PTPRK: variants seen among roughly 807,000 people sequenced by gnomAD.
The protein encoded by PTPRK is protein tyrosine phosphatase receptor type K, also known as receptor-type tyrosine-protein phosphatase kappa.
PTPRK carries 75 observed loss-of-function variants against 178.0 expected under a neutral mutation model. The observed-to-expected ratio is 0.42, with a 90% CI of 0.35 to 0.51. The LOEUF is 0.51. Ranked by LOEUF, PTPRK falls within the 20% of genes least tolerant of loss-of-function variation. The pLI is 0.02. For missense variants in PTPRK, 1,441 were observed against 1,797.8 expected (o/e 0.80, Z 3.59); for synonymous variants, 637 against 620.6 (o/e 1.03, Z -0.39).
chr6:128,238,185 CAAAAA>C (rs58051125), intron 5 of PTPRK: 219 of 205,818 alleles, frequency 1.1e-3, no homozygotes, highest in Admixed American at 1.8e-3. Flanking sequence ...TAGCAAACGC[CAAAAA>C]AAAAAAAAAA....
intron 24 of PTPRK, among the ~76,000 whole-genome samples, chr6:127,982,088 T>C (rs1448761313): frequency 6.6e-6 from 1 of 152,184 alleles, no homozygotes; most frequent in East Asian, 1.9e-4. Flanking sequence ...TCTGCCTGCC[T>C]TGGCATCCCA....
At chr6:128,368,933 A>G (rs1835884024) in intron 2 of PTPRK, among the ~76,000 whole-genome samples, 1 of 149,524 alleles carries the variant, frequency 6.7e-6, no homozygotes, top group South Asian at 2.1e-4. Flanking sequence ...AACAAAACAA[A>G]ACAAAAAACA....
In PTPRK at chr6:128,089,935, G is replaced by C; in HGVS notation, c.1220C>G (p.Ala407Gly). 1.2e-6 allele frequency: 2 copies of C among 1,612,380 alleles called. No homozygotes were observed. Among genetic ancestry groups the C allele is most frequent in the Non-Finnish European group, 1.7e-6 (2 of 1,178,396 alleles). ...KIAEIQARRI[A>G]VDWESLGYNI... ...GTAACCCAAGGATTCCCAGTCCACA[G>C]CAATCCGTCTTGCCTGTATTTCAGC... The change falls in exon 8 of 30, where the codon GCT becomes GGT. Residue 407 changes from alanine (A) to glycine (G), a missense_variant. Ala to Gly is a moderately conservative substitution (Grantham distance 60). Transcript: ENST00000368226.
chr6:128,178,656 CATCTATCTATCTATCTATCT>C (rs71028114), intron 7 of PTPRK, among the ~76,000 whole-genome samples: 5 of 145,996 alleles, frequency 3.4e-5, no homozygotes, highest in African/African-American at 1.3e-4. Context: ...GTAGAGAAGA[CATCTATCTATCTATCTATCT>C]ATCTATCTAT....
At chr6:128,436,284 A>G (rs892321080) in intron 1 of PTPRK, among the ~76,000 whole-genome samples, 1 of 152,210 alleles carries the variant, frequency 6.6e-6, no homozygotes, top group Non-Finnish European at 1.5e-5. Context: ...AATTAAAACT[A>G]TACTAACAAG....
intron 1 of PTPRK, among the ~76,000 whole-genome samples, chr6:128,455,908 T>C (rs1848328163): frequency 6.6e-6 from 1 of 152,064 alleles, no homozygotes; most frequent in African/African-American, 2.4e-5. Flanking sequence ...ACACCTAATT[T>C]AGGAACACCT....
chr6:128,484,342 AT>A (rs1852517627), intron 1 of PTPRK, among the ~76,000 whole-genome samples: 1 of 152,178 alleles, frequency 6.6e-6, no homozygotes, highest in South Asian at 2.1e-4. Context: ...GCTTAGCAAG[AT>A]TTTAAACCCC....
intron 6 of PTPRK, among the ~76,000 whole-genome samples, chr6:128,199,642 C>T (rs1441963213): frequency 1.3e-5 from 2 of 151,770 alleles, no homozygotes; most frequent in Admixed American, 1.3e-4. Context: ...AACTCTTAAC[C>T]AGAAAATCCA....
At chr6:128,299,177 A>C (rs1189729555) in intron 3 of PTPRK, among the ~76,000 whole-genome samples, 7 of 152,270 alleles carry the variant, frequency 4.6e-5, no homozygotes, top group Admixed American at 1.3e-4. Context: ...CGTGAAGGAT[A>C]TCTTCAAGGA....
chr6:128,279,521 G>C (rs943713245), intron 3 of PTPRK, among the ~76,000 whole-genome samples: 2 of 152,094 alleles, frequency 1.3e-5, no homozygotes, highest in Admixed American at 6.5e-5. Flanking sequence ...TACTTCAACA[G>C]GGATCAATGA....
chr6:128,393,089 C>CTTTT (rs755172831), intron 2 of PTPRK, among the ~76,000 whole-genome samples: 1 of 124,896 alleles, frequency 8.0e-6, no homozygotes, highest in South Asian at 2.6e-4. Context: ...TTCATAAGGA[C>CTTTT]TTTTTTTTTT....
At position 128,205,777 on chromosome 6, in the gene PTPRK, C is replaced by CAAAAAA. The variant is rs57003128; in HGVS notation, c.868+13139_868+13144dup. On this transcript the variant is annotated intron_variant, in intron 6 of 29. Transcript: ENST00000368226. ...CACAGTGAGAATCTGCATCACAGAC[C>CAAAAAA]AAAAAAAAAAAAAAAAAAAAAAAAA... is the stretch of plus-strand genomic sequence containing the variant. Among the ~76,000 whole-genome samples, 58 of 15,188 alleles carry CAAAAAA rather than the reference C, an allele frequency of 3.8e-3. 2 individuals are homozygous for CAAAAAA. Among genetic ancestry groups the CAAAAAA allele is most frequent in the East Asian group, 0.029 (16 of 550 alleles). 10.0% of individuals were successfully genotyped at this position (15,188 alleles called of 152,430 possible).
intron 7 of PTPRK, among the ~76,000 whole-genome samples, chr6:128,101,906 T>C (rs1449474620): frequency 6.6e-6 from 1 of 152,214 alleles, no homozygotes; most frequent in Non-Finnish European, 1.5e-5. Context: ...TGGAATATAC[T>C]ATTCTTTCAG....
chr6:128,267,059 G>A lies in PTPRK; in HGVS notation c.496-24457C>T, dbSNP rs549513993. 1.0e-3 allele frequency among the ~76,000 whole-genome samples: 152 copies of A among 151,936 alleles called. 1 individual carries two copies. The highest frequency in any genetic ancestry group is 2.0e-3 in the Non-Finnish European group (137 of 67,950). On this transcript the variant is annotated intron_variant, in intron 3 of 29. Coordinates refer to ENST00000368226, the MANE Select transcript of PTPRK (RefSeq NM_002844.4). ...CACATAGCTAATTCAATGCTAATTC[G>A]ATATTTAAGTTTTTCACAAATAAGC...
At chr6:128,338,397 C>A (rs1332277633) in intron 2 of PTPRK, among the ~76,000 whole-genome samples, 1 of 152,030 alleles carries the variant, frequency 6.6e-6, no homozygotes, top group Admixed American at 6.6e-5. Context: ...TTACTACACC[C>A]AAATATATAG....
chr6:128,458,355 A>G (rs1848637046), intron 1 of PTPRK, among the ~76,000 whole-genome samples: 1 of 152,222 alleles, frequency 6.6e-6, no homozygotes, highest in African/African-American at 2.4e-5. Context: ...TTATTATAAA[A>G]TAAGTTAATA....
At chr6:128,020,489 T>C (rs1773345787) in intron 13 of PTPRK, among the ~76,000 whole-genome samples, 1 of 152,178 alleles carries the variant, frequency 6.6e-6, no homozygotes, top group Non-Finnish European at 1.5e-5. Flanking sequence ...GAAAAGTCTC[T>C]TCTTCAGGGA....
chr6:128,280,969 T>G lies in PTPRK; in HGVS notation c.496-38367A>C, dbSNP rs559507417. On this transcript the variant is annotated intron_variant, in intron 3 of 29. Coordinates refer to ENST00000368226, the MANE Select transcript of PTPRK (RefSeq NM_002844.4). ...AACTTCCCAGTTAATCGAATCAAAC[T>G]TTTTAGGAAAAAAAAATCTAGGTGA... is the stretch of plus-strand genomic sequence containing the variant. Among the ~76,000 whole-genome samples the G allele has an allele frequency of 4.6e-5, 7 of 152,280 alleles. No individual in the cohort carries two copies. The South Asian group carries it at 1.5e-3, about 32-fold the overall frequency.
intron 13 of PTPRK, among the ~76,000 whole-genome samples, chr6:128,029,638 A>AAATAATAATAAT (rs55955361): frequency 3.6e-5 from 5 of 137,044 alleles, no homozygotes; most frequent in African/African-American, 5.4e-5. Context: ...TTCCATCTCA[A>AAATAATAATAAT]AATAATAATA....
Sources: gnomAD v4.1 joint callset for allele counts (sites outside exome capture counted in the v4.1 genomes callset) on GRCh38, gnomAD v4.1.1 for gene constraint, MANE v1.5 for transcripts, NCBI Gene and HGNC (gene_info 2026-07-23, HGNC 2026-07-21) for gene names.